Variants in APC observed in about 807,000 individuals in gnomAD.
APC encodes the protein APC regulator of Wnt signaling pathway.
APC carries 72 observed loss-of-function variants against 247.0 expected under a neutral mutation model. That is an observed-to-expected ratio of 0.29 (90% confidence interval 0.24 to 0.35). The LOEUF is 0.35. Ranked by LOEUF, APC falls within the 10% of genes least tolerant of loss-of-function variation. The pLI is 1.00. For synonymous variants in APC, 1,254 were observed against 1,162.5 expected (o/e 1.08, Z -1.60); for missense variants, 3,400 against 3,360.7 (o/e 1.01, Z -0.29).
At chr5:112,752,968 C>T (rs566371660) in intron 1 of APC, among the ~76,000 whole-genome samples, 4 of 152,058 alleles carry the variant, frequency 2.6e-5, no homozygotes, top group Non-Finnish European at 5.9e-5. Flanking sequence ...CTTGCCCATC[C>T]GGCTCTTTTT....
At chr5:112,737,852 T>TG, upstream of APC, 1 of 985,664 alleles carries the variant, frequency 1.0e-6, no homozygotes. Flanking sequence ...GTGACCGACA[T>TG]GTGGCTGTAT....
chr5:112,821,661 AC>A (rs532158891), intron 10 of APC, among the ~76,000 whole-genome samples: 25 of 151,910 alleles, frequency 1.6e-4, no homozygotes, highest in South Asian at 8.3e-4. Context: ...ATTCTAAGAG[AC>A]TTAGTCAAGG....
chr5:112,763,507 A>G (rs559610266), intron 2 of APC, among the ~76,000 whole-genome samples: 1 of 152,110 alleles, frequency 6.6e-6, no homozygotes, highest in South Asian at 2.1e-4. Context: ...ATGGCTTTTT[A>G]ATTTCTTTTT....
chr5:112,750,104 A>G (rs750313247), intron 1 of APC, among the ~76,000 whole-genome samples: 5 of 151,488 alleles, frequency 3.3e-5, no homozygotes, highest in Non-Finnish European at 7.4e-5. Context: ...CTGAGATTAC[A>G]GGCATATGCC....
At chr5:112,791,381 G>A (rs1057508122) in intron 6 of APC, among the ~76,000 whole-genome samples, 1 of 152,202 alleles carries the variant, frequency 6.6e-6, no homozygotes, top group African/African-American at 2.4e-5. Context: ...TAACTTTGGG[G>A]AAGAGTTGGG....
chr5:112,843,811 A>G lies in APC; in HGVS notation c.8217A>G (p.Lys2739=). ...CTGACCAAAAAGGAACTGAGATAAAACCAGGACAAAATAATCCTGTCCCTG... is the reference window on the plus strand; with the variant it reads ...CTGACCAAAAAGGAACTGAGATAAAGCCAGGACAAAATAATCCTGTCCCTG... The part of the protein sequence containing the change: ...DAPDQKGTEI[K]PGQNNPVPVS... The change falls in exon 16 of 16, where the codon AAA becomes AAG. Residue 2739 remains lysine, a synonymous_variant. Coordinates refer to ENST00000257430, the MANE Select transcript of APC (RefSeq NM_000038.6). The surrounding 1 kb of genome is among the most constrained non-coding windows in gnomAD (Gnocchi z 4.8). 6.2e-7 allele frequency: 1 copy of G among 1,614,094 alleles called. No homozygotes were observed. Among genetic ancestry groups the G allele is most frequent in the African/African-American group, 1.3e-5 (1 of 75,018 alleles).
At position 112,766,307 on chromosome 5, in the gene APC, A is replaced by G. The variant is rs778690797; in HGVS notation, c.136-19A>G. The G allele has an allele frequency of 2.6e-5, 39 of 1,478,776 alleles. No homozygotes were observed. The highest frequency in any genetic ancestry group is 5.0e-5 in the Admixed American group (3 of 59,728). The allele number at this position is 1,478,776 out of a possible 1,614,324, so 91.6% of individuals were successfully genotyped here. ...GTTATTTAGAATTTCATGTTAATAT[A>G]TTGTGTTCTTTTTAACAGGAAGTAC... On this transcript the variant is annotated intron_variant, in intron 2 of 15. Transcript: ENST00000257430.
chr5:112,783,360 T>G (rs1758560128), intron 6 of APC, among the ~76,000 whole-genome samples: 1 of 152,204 alleles, frequency 6.6e-6, no homozygotes, highest in South Asian at 2.1e-4. Flanking sequence ...CGTGTTCATT[T>G]ATTCTGGAAA....
In APC at chr5:112,838,120, T is replaced by C. The variant is rs2149871669; in HGVS notation, c.2526T>C (p.Asp842=). 1 of 1,614,206 alleles carries C rather than the reference T, an allele frequency of 6.2e-7. No individual in the cohort carries two copies. The highest frequency in any genetic ancestry group is 8.5e-7 in the Non-Finnish European group (1 of 1,180,040). ...PSSSSSRGSL[D]SSRSEKDRSL... ...CCTCTTCATCAAGAGGAAGCTTAGA[T>C]AGTTCTCGTTCTGAAAAAGATAGAA... is the stretch of plus-strand genomic sequence containing the variant. Residue 842 remains aspartate, a synonymous_variant, in exon 16 of 16, where the codon GAT becomes GAC. Coordinates refer to ENST00000257430, the MANE Select transcript of APC (RefSeq NM_000038.6).
At chr5:112,774,129 A>G (rs1757341328) in intron 4 of APC, among the ~76,000 whole-genome samples, 1 of 152,170 alleles carries the variant, frequency 6.6e-6, no homozygotes, top group Non-Finnish European at 1.5e-5. Flanking sequence ...AAAAGATTAG[A>G]AAAGCCTTAA....
chr5:112,801,325 G>A lies in APC; in HGVS notation c.776G>A (p.Arg259Gln), dbSNP rs767457050. ...KHETGSHDAE[R>Q]QNEGQGVGEI... ...GAAACCGGCTCACATGATGCTGAGC[G>A]GCAGAATGAAGGTCAAGGAGTGGGA... The change falls in exon 8 of 16, where the codon CGG (arginine) becomes CAG (glutamine). Residue 259 changes from arginine (R) to glutamine (Q), a missense_variant. Physicochemically the swap from Arg to Gln is conservative, Grantham distance 43. Coordinates refer to ENST00000257430, the MANE Select transcript of APC (RefSeq NM_000038.6). The A allele has an allele frequency of 1.7e-5, 27 of 1,612,944 alleles. No individual in the cohort carries two copies. The highest frequency in any genetic ancestry group is 1.0e-4 in the Admixed American group (6 of 59,942).
At chr5:112,799,333 G>C (rs1760546246) in intron 7 of APC, among the ~76,000 whole-genome samples, 3 of 151,994 alleles carry the variant, frequency 2.0e-5, no homozygotes, top group African/African-American at 7.3e-5. Flanking sequence ...TCTGTGAGGA[G>C]TAGCACCATC....
At chr5:112,806,209 T>C (rs1761364788) in intron 8 of APC, among the ~76,000 whole-genome samples, 1 of 152,254 alleles carries the variant, frequency 6.6e-6, no homozygotes, top group Non-Finnish European at 1.5e-5. Flanking sequence ...TGTCACAGCA[T>C]GTTCCTCTCG....
chr5:112,761,812 C>G (rs1755706157), intron 2 of APC, among the ~76,000 whole-genome samples: 1 of 152,112 alleles, frequency 6.6e-6, no homozygotes, highest in Non-Finnish European at 1.5e-5. Context: ...ATAGGATAAT[C>G]TTATCTATGT....
At chr5:112,780,761 T>C (rs1347761620) in intron 5 of APC, 29 bp from the exon 6 acceptor site, 1 of 1,485,954 alleles carries the variant, frequency 6.7e-7, no homozygotes, top group African/African-American at 1.4e-5. Context: ...TACAAGATAT[T>C]GATACTTTTT....
At position 112,827,187 on chromosome 5, in the gene APC, A is replaced by T. The variant is rs9282599; in HGVS notation, c.1488A>T (p.Thr496=). Residue 496 remains threonine, a synonymous_variant, in exon 12 of 16, where the codon ACA becomes ACT. Coordinates refer to ENST00000257430, the MANE Select transcript of APC (RefSeq NM_000038.6). The part of the protein sequence containing the change: ...YGLTNDHYSI[T]LRRYAGMALT... ...TTACTAATGACCACTACAGTATTAC[A>T]CTAAGACGATATGCTGGAATGGCTT... is the stretch of plus-strand genomic sequence containing the variant. The T allele has an allele frequency of 1.1e-4, 179 of 1,613,964 alleles. 1 individual carries two copies. In the East Asian group the frequency reaches 3.8e-3, roughly 34 times the overall value.
rs1762433557 is a variant in APC, at chr5:112,815,604, A to T, written c.933+11A>T. ...CATCTGGGAACCAAGGTAACAGAAG[A>T]TTACAAACCCTGGTCACTAATGCCA... On this transcript the variant is annotated intron_variant, in intron 9 of 15. Transcript: ENST00000257430. 6.2e-7 allele frequency: 1 copy of T among 1,602,256 alleles called. No homozygotes were observed.
chr5:112,739,784 A>C (rs553193741), intron 1 of APC, among the ~76,000 whole-genome samples: 1 of 152,230 alleles, frequency 6.6e-6, no homozygotes, highest in Non-Finnish European at 1.5e-5. Context: ...AAAATTCCAA[A>C]TGACATTTAA....
chr5:112,776,167 T>C (rs1362688338), intron 5 of APC, among the ~76,000 whole-genome samples: 1 of 152,222 alleles, frequency 6.6e-6, no homozygotes, highest in African/African-American at 2.4e-5. Context: ...TAAATGCCAA[T>C]AGCTATAGCA....
Sources: gnomAD v4.1 joint callset for allele counts (sites outside exome capture counted in the v4.1 genomes callset) on GRCh38, gnomAD v4.1.1 for gene constraint, Gnocchi (gnomAD v3.1) non-coding constraint, MANE v1.5 for transcripts, NCBI Gene and HGNC (gene_info 2026-07-23, HGNC 2026-07-21) for gene names.